CNTNAP2: variants seen among roughly 807,000 people sequenced by gnomAD.
CNTNAP2 encodes contactin associated protein 2.
Under a neutral mutation model 155.2 loss-of-function variants are expected in CNTNAP2, and 98 were observed. That is an observed-to-expected ratio of 0.63 (90% confidence interval 0.54 to 0.75). The LOEUF is 0.75. CNTNAP2 is among the 30% of genes least tolerant of loss of function. The pLI is 0.00. For missense variants in CNTNAP2, 1,727 were observed against 1,688.1 expected (o/e 1.02, Z -0.40); for synonymous variants, 651 against 631.2 (o/e 1.03, Z -0.47).
chr7:147,065,915 A>G (rs1190907133), intron 4 of CNTNAP2, among the ~76,000 whole-genome samples: 1 of 152,180 alleles, frequency 6.6e-6, no homozygotes, highest in Non-Finnish European at 1.5e-5. Flanking sequence ...TTAAGAAAAT[A>G]AAGACGGTGA....
At chr7:147,095,080 C>T (rs746513504) in intron 4 of CNTNAP2, among the ~76,000 whole-genome samples, 13 of 151,990 alleles carry the variant, frequency 8.6e-5, no homozygotes, top group Middle Eastern at 3.4e-3. Flanking sequence ...AGTGCAATGG[C>T]GCAGTCTCGG....
chr7:146,817,521 T>G (rs1233997381), intron 2 of CNTNAP2, among the ~76,000 whole-genome samples: 2 of 150,608 alleles, frequency 1.3e-5, no homozygotes, highest in Non-Finnish European at 3.0e-5. Flanking sequence ...TAAAAAGAGG[T>G]TTTATTGGCC....
intron 1 of CNTNAP2, among the ~76,000 whole-genome samples, chr7:146,233,304 G>T (rs1216047299): frequency 6.6e-6 from 1 of 152,100 alleles, no homozygotes; most frequent in Non-Finnish European, 1.5e-5. Context: ...ACCTTGCGAT[G>T]AGGTCAACAT....
At chr7:147,708,989 C>A (rs891600015) in intron 13 of CNTNAP2, among the ~76,000 whole-genome samples, 1 of 152,120 alleles carries the variant, frequency 6.6e-6, no homozygotes, top group African/African-American at 2.4e-5. Flanking sequence ...CTCCATACAG[C>A]CCATTTTGTA....
chr7:147,201,699 G>A (rs1563114167), intron 8 of CNTNAP2, among the ~76,000 whole-genome samples: 2 of 152,136 alleles, frequency 1.3e-5, no homozygotes, highest in Admixed American at 6.5e-5. Context: ...CTCCTAATGT[G>A]GATAGGAATT....
chr7:147,763,084 C>G (rs561356382), intron 13 of CNTNAP2, among the ~76,000 whole-genome samples: 2 of 151,826 alleles, frequency 1.3e-5, no homozygotes, highest in African/African-American at 4.8e-5. Flanking sequence ...CATGGAGAAG[C>G]CCCCGTCTCT....
chr7:146,821,050 A>G (rs1181014380), intron 2 of CNTNAP2, among the ~76,000 whole-genome samples: 2 of 152,050 alleles, frequency 1.3e-5, no homozygotes, highest in East Asian at 3.9e-4. Context: ...TTTTGAGCCT[A>G]TGTGTGTGTC....
chr7:146,441,458 G>T (rs1526148), intron 1 of CNTNAP2, among the ~76,000 whole-genome samples: 1 of 151,200 alleles, frequency 6.6e-6, no homozygotes, highest in Non-Finnish European at 1.5e-5. Flanking sequence ...TCTCTTCCCT[G>T]CCCACCTGTT....
rs34569647 is a variant in CNTNAP2 at position 146,149,186 on chromosome 7, T to TA, written c.97+32219dup. ...CCTAGATCTTAAAGTATAATAATAA[T>TA]AAAAAATTTGGACCACAAAAAAAAA... On this transcript the variant is annotated intron_variant, in intron 1 of 23. Transcript: ENST00000361727. Among the ~76,000 whole-genome samples, 1,045 of 151,890 alleles carry TA rather than the reference T, an allele frequency of 6.9e-3. 7 individuals carry two copies. The highest frequency in any genetic ancestry group is 0.012 in the Non-Finnish European group (798 of 67,920).
chr7:147,062,485 C>T (rs551535949), intron 4 of CNTNAP2, among the ~76,000 whole-genome samples: 1 of 151,086 alleles, frequency 6.6e-6, no homozygotes, highest in Non-Finnish European at 1.5e-5. Context: ...AAAGAGATGG[C>T]CTTTTGGGTT....
At chr7:148,068,449 A>G (rs368014666) in intron 15 of CNTNAP2, among the ~76,000 whole-genome samples, 116 of 152,306 alleles carry the variant, frequency 7.6e-4, no homozygotes, top group Non-Finnish European at 1.1e-3. Flanking sequence ...CTGAATTTAC[A>G]TGTTCCCCAG....
chr7:147,935,754 A>G (rs1800596203), intron 14 of CNTNAP2, among the ~76,000 whole-genome samples: 1 of 152,152 alleles, frequency 6.6e-6, no homozygotes, highest in Non-Finnish European at 1.5e-5. Flanking sequence ...GAACAATATT[A>G]TCTTTCATTT....
rs149324539 is a variant in CNTNAP2, at chr7:147,519,118, G to A, written c.1777+33077G>A. Among the ~76,000 whole-genome samples, 629 of 151,774 alleles carry A rather than the reference G, an allele frequency of 4.1e-3. 5 individuals carry two copies. The highest frequency in any genetic ancestry group is 0.013 in the African/African-American group (535 of 41,414). ...TTGTAGCTGAAAACAACACAAATAT[G>A]TTATCTTACAGTTTGGGAGGTCAGA... On this transcript the variant is annotated intron_variant, in intron 11 of 23. Transcript: ENST00000361727.
intron 3 of CNTNAP2, among the ~76,000 whole-genome samples, chr7:147,013,707 A>G (rs1178316292): frequency 2.0e-5 from 3 of 149,678 alleles, no homozygotes; most frequent in African/African-American, 7.3e-5. Context: ...AGTAATCATC[A>G]TTGTCTTGTG....
At chr7:147,527,975 T>C (rs1324705904) in intron 11 of CNTNAP2, among the ~76,000 whole-genome samples, 1 of 152,152 alleles carries the variant, frequency 6.6e-6, no homozygotes, top group Non-Finnish European at 1.5e-5. Context: ...TTGAGCTCAA[T>C]CCCACTGGAG....
At chr7:147,579,151 C>T (rs544505417) in intron 12 of CNTNAP2, among the ~76,000 whole-genome samples, 1 of 152,154 alleles carries the variant, frequency 6.6e-6, no homozygotes, top group African/African-American at 2.4e-5. Flanking sequence ...GTGTGATTAA[C>T]AGCAAGCTTC....
At chr7:146,720,470 G>T (rs1178196526) in intron 1 of CNTNAP2, among the ~76,000 whole-genome samples, 1 of 152,110 alleles carries the variant, frequency 6.6e-6, no homozygotes, top group African/African-American at 2.4e-5. Flanking sequence ...TGCTGAGGCT[G>T]ACCTAAATCA....
At chr7:146,351,068 C>T (rs1307499702) in intron 1 of CNTNAP2, among the ~76,000 whole-genome samples, 2 of 150,842 alleles carry the variant, frequency 1.3e-5, no homozygotes, top group African/African-American at 4.9e-5. Flanking sequence ...TTAGGAGATA[C>T]ACCTAATGCT....
intron 9 of CNTNAP2, among the ~76,000 whole-genome samples, chr7:147,314,859 A>G (rs1795197784): frequency 6.6e-6 from 1 of 151,208 alleles, no homozygotes; most frequent in African/African-American, 2.4e-5. Context: ...ATGTTGGAAG[A>G]TCAAAAGAAG....
Sources: allele counts gnomAD v4.1 joint callset (sites outside exome capture counted in the v4.1 genomes callset), GRCh38; gene constraint gnomAD v4.1.1; transcripts MANE v1.5; gene names NCBI Gene and HGNC (gene_info 2026-07-23, HGNC 2026-07-21).